Variants in PDZD7 observed in about 807,000 individuals in gnomAD.
PDZD7 encodes the protein PDZ domain containing 7, also known as PDZ domain-containing protein 7.
PDZD7 carries 72 observed loss-of-function variants against 84.7 expected under a neutral mutation model. The observed-to-expected ratio is 0.85, with a 90% CI of 0.70 to 1.03. PDZD7 has a LOEUF of 1.03. Ranked by LOEUF, PDZD7 falls within the 50% of genes least tolerant of loss-of-function variation. The pLI, the probability that PDZD7 is intolerant of heterozygous loss-of-function variation, is 0.00. For synonymous variants in PDZD7, 594 were observed against 580.7 expected (o/e 1.02, Z -0.33); for missense variants, 1,490 against 1,412.9 (o/e 1.05, Z -0.87).
At chr10:101,011,495 A>G in intron 14 of PDZD7, 195 bp downstream of exon 14, 1 of 1,404,628 alleles carries the variant, frequency 7.1e-7, no homozygotes, top group Non-Finnish European at 9.3e-7. Flanking sequence ...CAAACCAACT[A>G]TTAAGTAATA....
At chr10:101,026,911 C>G (rs1396975839) in intron 2 of PDZD7, among the ~76,000 whole-genome samples, 1 of 151,980 alleles carries the variant, frequency 6.6e-6, no homozygotes, top group Admixed American at 6.6e-5. Flanking sequence ...GCTACCAACC[C>G]TCTCTCCTCA....
Position 101,010,498 on chromosome 10 carries a change from TGG to T in PDZD7, c.2389_2390del (p.Pro797IlefsTer48). On this transcript the variant is annotated frameshift_variant, in exon 15 of 17. Transcript: ENST00000619208. LOFTEE classifies it high-confidence loss of function. The part of the protein sequence containing the change: ...GQGKSPGRRS[P>X]SPVPTPAPSM... ...TGGGGGCAGGGGTAGGCACCGGGGA[TGG>T]GGAGCGTCTACCTGGAGACTTGCCT... 6.5e-7 allele frequency: 1 copy of T among 1,533,812 alleles called. No homozygotes were observed. Among genetic ancestry groups the T allele is most frequent in the Non-Finnish European group, 8.7e-7 (1 of 1,145,290 alleles).
intron 14 of PDZD7, 83 bp from the exon 15 acceptor site, chr10:101,010,966 A>C: frequency 6.5e-7 from 1 of 1,529,060 alleles, no homozygotes; most frequent in South Asian, 1.2e-5. Context: ...GGGGCCTGTG[A>C]GAGCCAGGCC....
At chr10:101,015,939 A>G in intron 10 of PDZD7, 128 bp from the exon 11 acceptor site, 1 of 1,044,986 alleles carries the variant, frequency 9.6e-7, no homozygotes, top group Non-Finnish European at 1.4e-6. Context: ...GCTCCCCACC[A>G]TGGTAGCCCA....
At chr10:101,018,421 C>T (rs1296037642) in intron 8 of PDZD7, 125 bp from the exon 9 acceptor site, 1 of 1,046,402 alleles carries the variant, frequency 9.6e-7, no homozygotes, top group Non-Finnish European at 1.4e-6. Flanking sequence ...GCAGCTACGC[C>T]GGGGTGAGAG....
intron 11 of PDZD7, among the ~76,000 whole-genome samples, chr10:101,015,047 C>T (rs1350647715): frequency 6.6e-6 from 1 of 152,224 alleles, no homozygotes. Context: ...CTGACTCTCT[C>T]TCCACCCTGG....
chr10:101,016,283 A>G (rs1852622109), intron 10 of PDZD7, 94 bp downstream of exon 10: 21 of 1,318,336 alleles, frequency 1.6e-5, no homozygotes, highest in Non-Finnish European at 1.9e-5. Context: ...CCCTGACTGA[A>G]TTTAGTCCAG....
intron 11 of PDZD7, among the ~76,000 whole-genome samples, chr10:101,014,752 T>C (rs1441416711): frequency 6.6e-6 from 1 of 151,772 alleles, no homozygotes; most frequent in African/African-American, 2.4e-5. Context: ...CATGCAGTCA[T>C]ATCAGTACAA....
intron 12 of PDZD7, 38 bp from the exon 13 acceptor site, chr10:101,012,054 A>AG (rs1284916464): frequency 6.5e-7 from 1 of 1,542,790 alleles, no homozygotes; most frequent in African/African-American, 1.4e-5. Context: ...TGGGAGGGGC[A>AG]GGCAGGATTT....
At position 101,024,529 on chromosome 10, in the gene PDZD7, C is replaced by T. The variant is rs184032708; in HGVS notation, c.227-461G>A. Among the ~76,000 whole-genome samples, 340 of 152,202 alleles carry T rather than the reference C, an allele frequency of 2.2e-3. 2 individuals are homozygous for T. Among genetic ancestry groups the T allele is most frequent in the Non-Finnish European group, 4.0e-3 (275 of 67,994 alleles). On this transcript the variant is annotated intron_variant, in intron 2 of 16. Transcript: ENST00000619208. ...AAGTGTTGGGATTATAGGTATGAGC[C>T]GCATATCCTGCCCGCTCTGAGTGAT...
chr10:101,009,624 T>TTTTTTCA (rs1852325706), intron 15 of PDZD7, among the ~76,000 whole-genome samples: 1 of 114,304 alleles, frequency 8.7e-6, no homozygotes, highest in Non-Finnish European at 1.7e-5. Flanking sequence ...TTTTTTTTTT[T>TTTTTTCA]GAGACGGAGT....
chr10:101,029,350 G>A (rs939566602), intron 2 of PDZD7, among the ~76,000 whole-genome samples: 1 of 147,748 alleles, frequency 6.8e-6, no homozygotes, highest in Non-Finnish European at 1.5e-5. Flanking sequence ...TTCTCTCTAG[G>A]TCCCTTGTAA....
Position 101,019,051 on chromosome 10 carries a change from C to T in PDZD7, c.1095G>A (p.Arg365=). 2 of 1,575,902 alleles carry T rather than the reference C, an allele frequency of 1.3e-6. No homozygotes were observed. Among genetic ancestry groups the T allele is most frequent in the Non-Finnish European group, 1.7e-6 (2 of 1,166,284 alleles). ...GCTCCGTCTGCATGGCTGTGTCCGCCCGCCCCCAGCCTGGGCCGCGGCTGC... is the reference window on the plus strand; with the variant it reads ...GCTCCGTCTGCATGGCTGTGTCCGCTCGCCCCCAGCCTGGGCCGCGGCTGC... ...EPGSRGPGWG[R]ADTAMQTEPD... is the part of the protein sequence containing the mutation. The change falls in exon 8 of 17, where the codon CGG becomes CGA. Residue 365 remains arginine (R), a synonymous_variant. Coordinates refer to ENST00000619208, the MANE Select transcript of PDZD7 (RefSeq NM_001195263.2).
intron 12 of PDZD7, 42 bp from the exon 13 acceptor site, chr10:101,012,058 A>C (rs1428238736): frequency 6.5e-7 from 1 of 1,542,352 alleles, no homozygotes; most frequent in East Asian, 2.5e-5. Context: ...AGGGGCAGGC[A>C]GGATTTCAGT....
In PDZD7 at chr10:101,010,466, G is replaced by A; in HGVS notation, c.2423C>T (p.Thr808Ile). The A allele has an allele frequency of 6.5e-7, 1 of 1,535,900 alleles. No individual in the cohort carries two copies. Among genetic ancestry groups the A allele is most frequent in the Non-Finnish European group, 8.7e-7 (1 of 1,146,758 alleles). Residue 808 changes from threonine to isoleucine, a missense_variant, in exon 15 of 17, where the codon ACC becomes ATC. By Grantham distance (89) the Thr-to-Ile change is moderately conservative. Coordinates refer to ENST00000619208, the MANE Select transcript of PDZD7 (RefSeq NM_001195263.2). Reference sequence around the variant, plus strand: ...CCGAGGCTTGTGGTAGCGCCCATTGGTCATGCTGGGGGCAGGGGTAGGCAC... The same window carrying A: ...CCGAGGCTTGTGGTAGCGCCCATTGATCATGCTGGGGGCAGGGGTAGGCAC... ...SPVPTPAPSM[T>I]NGRYHKPRKA...
Position 101,030,318 on chromosome 10 carries a change from G to C in PDZD7, c.-99C>G, listed in dbSNP as rs747577169. The C allele has an allele frequency of 4.8e-5, 50 of 1,049,770 alleles. No individual in the cohort carries two copies. Among genetic ancestry groups the C allele is most frequent in the Non-Finnish European group, 6.5e-5 (46 of 702,514 alleles). The allele number at this position is 1,049,770 out of a possible 1,614,324, so 65.0% of individuals were successfully genotyped here. On this transcript the variant is annotated 5_prime_UTR_variant, in exon 2 of 17. Transcript: ENST00000619208. ...CTTCGAGCTCCATGAGCCTCTGTGCGGGGCTGGGGTCTCAGTAACGTGAAG... is the reference window on the plus strand; with the variant it reads ...CTTCGAGCTCCATGAGCCTCTGTGCCGGGCTGGGGTCTCAGTAACGTGAAG...
chr10:101,013,837 G>A (rs1285242138), intron 11 of PDZD7, among the ~76,000 whole-genome samples: 1 of 150,266 alleles, frequency 6.7e-6, no homozygotes, highest in East Asian at 2.0e-4. Flanking sequence ...ATCAGACAGG[G>A]GTTTCTTTTC....
chr10:101,020,669 G>A lies in PDZD7; in HGVS notation c.877C>T (p.Arg293Trp), dbSNP rs753608704. 2.0e-5 allele frequency: 33 copies of A among 1,613,772 alleles called. No homozygotes were observed. The highest frequency in any genetic ancestry group is 3.3e-4 in the Middle Eastern group (2 of 6,074). Reference sequence around the variant, plus strand: ...ACCATCTCCTTGTAGGCAGGATACCGGCCGGTCTCCTGGGGAGGGGATGGT... The same window carrying A: ...ACCATCTCCTTGTAGGCAGGATACCAGCCGGTCTCCTGGGGAGGGGATGGT... The part of the protein sequence containing the change: ...HIMLTIKETG[R>W]YPAYKEMVSE... The change falls in exon 7 of 17, where the codon CGG becomes TGG. Residue 293 changes from arginine (R) to tryptophan (W), a missense_variant. Physicochemically the swap from Arg to Trp is moderately radical, Grantham distance 101. Coordinates refer to ENST00000619208, the MANE Select transcript of PDZD7 (RefSeq NM_001195263.2).
chr10:101,008,585 G>A lies in PDZD7; in HGVS notation c.2984C>T (p.Thr995Ile). The A allele has an allele frequency of 6.5e-7, 1 of 1,535,958 alleles. No individual in the cohort carries two copies. Among genetic ancestry groups the A allele is most frequent in the Non-Finnish European group, 8.7e-7 (1 of 1,146,774 alleles). Reference sequence around the variant, plus strand: ...ATCAGTGGGAGGAGTCTGGGGATTGGTGGGAGGTTCTGGGAGCCAGTGGGC... The same window carrying A: ...ATCAGTGGGAGGAGTCTGGGGATTGATGGGAGGTTCTGGGAGCCAGTGGGC... ...VPAHWLPEPP[T>I]NPQTPPTDAR... The change falls in exon 17 of 17, where the codon ACC becomes ATC. Residue 995 changes from threonine (T) to isoleucine (I), a missense_variant. Transcript: ENST00000619208.
Sources: allele counts gnomAD v4.1 joint callset (sites outside exome capture counted in the v4.1 genomes callset), GRCh38; gene constraint gnomAD v4.1.1; transcripts MANE v1.5; gene names NCBI Gene and HGNC (gene_info 2026-07-23, HGNC 2026-07-21).